The following KCNAB1 variants were observed in gnomAD, a reference collection of about 807,000 sequenced individuals.
KCNAB1 encodes potassium voltage-gated channel subfamily A regulatory beta subunit 1.
KCNAB1 carries 35 observed loss-of-function variants against 64.6 expected under a neutral mutation model. The observed-to-expected ratio is 0.54, with a 90% CI of 0.41 to 0.72. The LOEUF is 0.72. Ranked by LOEUF, KCNAB1 falls within the 30% of genes least tolerant of loss-of-function variation. The pLI is 0.00. For synonymous variants in KCNAB1, 177 were observed against 183.8 expected (o/e 0.96, Z 0.30); for missense variants, 401 against 512.9 (o/e 0.78, Z 2.11).
At chr3:156,345,991 T>C (rs1223554651) in intron 1 of KCNAB1, among the ~76,000 whole-genome samples, 2 of 151,960 alleles carry the variant, frequency 1.3e-5, no homozygotes, top group African/African-American at 4.8e-5. Context: ...ATGGGAGGAG[T>C]ACAAGCTTAA....
chr3:156,460,109 G>T, intron 5 of KCNAB1: 1 of 434,274 alleles, frequency 2.3e-6, no homozygotes. Flanking sequence ...GAGAAGGGGG[G>T]GATGTTCATG....
intron 1 of KCNAB1, among the ~76,000 whole-genome samples, chr3:156,270,008 T>C (rs944193740): frequency 6.7e-6 from 1 of 150,002 alleles, no homozygotes; most frequent in Admixed American, 6.7e-5. Flanking sequence ...CTCTGCCTCC[T>C]GGGTTCGCGC....
intron 1 of KCNAB1, among the ~76,000 whole-genome samples, chr3:156,162,498 T>C (rs1577657663): frequency 6.6e-6 from 1 of 152,128 alleles, no homozygotes; most frequent in African/African-American, 2.4e-5. Flanking sequence ...AGTTGTCTTA[T>C]TTTCATTGTA....
At chr3:156,168,302 A>G (rs1711737047) in intron 1 of KCNAB1, among the ~76,000 whole-genome samples, 1 of 152,158 alleles carries the variant, frequency 6.6e-6, no homozygotes, top group African/African-American at 2.4e-5. Context: ...CGAAGATACT[A>G]TCAATTGTAT....
chr3:156,535,144 A>G (rs1169169022), intron 13 of KCNAB1, among the ~76,000 whole-genome samples: 2 of 152,228 alleles, frequency 1.3e-5, no homozygotes, highest in Admixed American at 6.5e-5. Flanking sequence ...TTCTTCCTTC[A>G]GCTTCAGACA....
chr3:156,492,742 G>T (rs1386314537), intron 8 of KCNAB1, among the ~76,000 whole-genome samples: 1 of 152,132 alleles, frequency 6.6e-6, no homozygotes, highest in Non-Finnish European at 1.5e-5. Context: ...TAATAAGATA[G>T]TGGGTGTTGA....
intron 1 of KCNAB1, among the ~76,000 whole-genome samples, chr3:156,199,747 TG>T (rs1373930628): frequency 6.6e-6 from 1 of 152,244 alleles, no homozygotes; most frequent in African/African-American, 2.4e-5. Context: ...TTAGCTTCCT[TG>T]TATTGGGTTA....
At chr3:156,435,789 G>A (rs1356685848) in intron 2 of KCNAB1, among the ~76,000 whole-genome samples, 2 of 152,146 alleles carry the variant, frequency 1.3e-5, no homozygotes, top group Non-Finnish European at 2.9e-5. Flanking sequence ...ATTAAATAAG[G>A]CATACCTTCA....
chr3:156,352,655 G>A (rs115722596), intron 1 of KCNAB1, among the ~76,000 whole-genome samples: 7 of 152,270 alleles, frequency 4.6e-5, no homozygotes, highest in African/African-American at 1.7e-4. Flanking sequence ...TGTGACATCT[G>A]GACCTCAGTC....
intron 1 of KCNAB1, among the ~76,000 whole-genome samples, chr3:156,268,640 T>C (rs1295795938): frequency 6.6e-6 from 1 of 152,224 alleles, no homozygotes; most frequent in Non-Finnish European, 1.5e-5. Context: ...GAGCACCTTT[T>C]CATATACCAG....
chr3:156,389,366 G>A (rs1469609423), intron 1 of KCNAB1, among the ~76,000 whole-genome samples: 3 of 152,184 alleles, frequency 2.0e-5, no homozygotes, highest in Non-Finnish European at 4.4e-5. Context: ...CTCCTTGGCT[G>A]TCCTACTCTC....
intron 8 of KCNAB1, among the ~76,000 whole-genome samples, chr3:156,492,232 T>C (rs1024056167): frequency 1.6e-4 from 25 of 152,280 alleles, no homozygotes; most frequent in Non-Finnish European, 3.1e-4. Context: ...CAGGACCATA[T>C]TAAGTGCTAT....
intron 2 of KCNAB1, chr3:156,446,167 A>G (rs1206674490): frequency 6.6e-6 from 1 of 152,224 alleles, no homozygotes; most frequent in African/African-American, 2.4e-5. Context: ...GGCTCAGCCC[A>G]TAGCTCAAAG....
intron 1 of KCNAB1, among the ~76,000 whole-genome samples, chr3:156,337,237 T>G (rs532092354): frequency 3.3e-5 from 5 of 152,156 alleles, no homozygotes; most frequent in Non-Finnish European, 7.3e-5. Flanking sequence ...AACACTGAAG[T>G]TGGGGCGGGT....
chr3:156,401,892 A>G (rs79749230), intron 1 of KCNAB1, among the ~76,000 whole-genome samples: 1 of 151,190 alleles, frequency 6.6e-6, no homozygotes, highest in East Asian at 1.9e-4. Flanking sequence ...TTACACTAGT[A>G]GTGTTTGGAG....
chr3:156,457,116 A>T (rs1712493324), intron 3 of KCNAB1: 1 of 779,776 alleles, frequency 1.3e-6, no homozygotes, highest in African/African-American at 1.9e-5. Context: ...ACACAGTGAT[A>T]CAAATGGCCC....
At chr3:156,441,009 G>T (rs1251048725) in intron 2 of KCNAB1, 9 of 151,834 alleles carry the variant, frequency 5.9e-5, no homozygotes, top group African/African-American at 2.2e-4. Context: ...ATTCCTCTTT[G>T]AGTTTTTATT....
intron 1 of KCNAB1, among the ~76,000 whole-genome samples, chr3:156,290,417 A>C (rs960377416): frequency 6.6e-6 from 1 of 152,222 alleles, no homozygotes; most frequent in Admixed American, 6.5e-5. Context: ...CAGAAGCCAT[A>C]ATTTTATTGT....
At chr3:156,185,369 T>C (rs750252860) in intron 1 of KCNAB1, among the ~76,000 whole-genome samples, 1 of 152,220 alleles carries the variant, frequency 6.6e-6, no homozygotes, top group African/African-American at 2.4e-5. Context: ...AACAATTTCC[T>C]GGGCTTCACT....
Sources: gnomAD v4.1 joint callset for allele counts (sites outside exome capture counted in the v4.1 genomes callset) on GRCh38, gnomAD v4.1.1 for gene constraint, MANE v1.5 for transcripts, NCBI Gene and HGNC (gene_info 2026-07-23, HGNC 2026-07-21) for gene names.